Variants in ATL2 observed in about 807,000 individuals in gnomAD.
ATL2 encodes atlastin GTPase 2, also known as atlastin-2.
In ATL2, 31 loss-of-function variants were observed where a neutral mutation model predicts 73.9. That is an observed-to-expected ratio of 0.42 (90% CI 0.32 to 0.57). ATL2 has a LOEUF of 0.57. Ranked by LOEUF, ATL2 falls within the 20% of genes least tolerant of loss-of-function variation. ATL2 has a pLI of 0.14. For missense variants in ATL2, 738 were observed against 702.6 expected, an observed-to-expected ratio of 1.05 and a Z score of -0.57; for synonymous variants, 291 against 237.5, an observed-to-expected ratio of 1.23 and a Z score of -2.07.
At position 38,310,541 on chromosome 2, in the gene ATL2, CTT is replaced by C. The variant is rs1251466958; in HGVS notation, c.805-96_805-95del. 2.9e-5 allele frequency: 31 copies of C among 1,070,192 alleles called. No homozygotes were observed. In the African/African-American group the frequency reaches 4.5e-4, roughly 15 times the overall value. 66.3% of individuals were successfully genotyped at this position (1,070,192 alleles called of 1,614,324 possible). A position where few individuals can be genotyped will look rare whatever the true frequency, so the allele number is the denominator to read the frequency against. On this transcript the variant is annotated intron_variant, in intron 7 of 12. Coordinates refer to ENST00000378954, the MANE Select transcript of ATL2 (RefSeq NM_001135673.4). ...CAGACTCGCATGCACACTATGCACA[CTT>C]AACTCAGATGGTACTCCTAAGGAGT...
intron 9 of ATL2, chr2:38,300,558 T>C (rs762700701): frequency 2.7e-5 from 10 of 365,100 alleles, no homozygotes; most frequent in African/African-American, 1.0e-4. Context: ...ATAAAAGTTA[T>C]AACTCAAAGT....
chr2:38,338,698 G>C (rs1351413348), intron 2 of ATL2, among the ~76,000 whole-genome samples: 2 of 152,090 alleles, frequency 1.3e-5, no homozygotes, highest in East Asian at 1.9e-4. Context: ...AAAATATCAA[G>C]TCTGCAGTGG....
chr2:38,339,242 G>A (rs1158945033), intron 2 of ATL2, among the ~76,000 whole-genome samples: 1 of 151,934 alleles, frequency 6.6e-6, no homozygotes, highest in Non-Finnish European at 1.5e-5. Flanking sequence ...ATGAAAAAAG[G>A]GAAAGGCTGA....
At chr2:38,331,990 C>T (rs11904233) in intron 2 of ATL2, among the ~76,000 whole-genome samples, 62,536 of 151,870 alleles carry the variant, frequency 0.41, 15,118 homozygotes, top group African/African-American at 0.68. Flanking sequence ...TATTATTCAG[C>T]CATAAAAAGT....
intron 1 of ATL2, among the ~76,000 whole-genome samples, chr2:38,347,854 C>A (rs368590877): frequency 6.6e-6 from 1 of 150,934 alleles, no homozygotes; most frequent in African/African-American, 2.4e-5. Flanking sequence ...GCAACCTCTG[C>A]CTCCTGGGTT....
intron 1 of ATL2, among the ~76,000 whole-genome samples, chr2:38,363,009 T>A (rs1296671603): frequency 6.6e-6 from 1 of 152,232 alleles, no homozygotes; most frequent in African/African-American, 2.4e-5. Flanking sequence ...TTAGGTGTTG[T>A]AGCTTTTACT....
intron 2 of ATL2, among the ~76,000 whole-genome samples, chr2:38,323,731 C>CA (rs1173319989): frequency 6.6e-6 from 1 of 152,092 alleles, no homozygotes; most frequent in Middle Eastern, 3.2e-3. Flanking sequence ...CAGACAGACA[C>CA]AGACAGGGTC....
intron 1 of ATL2, among the ~76,000 whole-genome samples, chr2:38,355,759 G>A (rs1366359373): frequency 6.7e-6 from 1 of 150,000 alleles, no homozygotes; most frequent in African/African-American, 2.5e-5. Flanking sequence ...GAGTGCAGTG[G>A]TGCCATCTCG....
chr2:38,365,776 C>G (rs1671288247), intron 1 of ATL2, among the ~76,000 whole-genome samples: 1 of 151,536 alleles, frequency 6.6e-6, no homozygotes, highest in African/African-American at 2.4e-5. Context: ...CAGAATGAGA[C>G]TCCATCTCAA....
chr2:38,300,021 G>C (rs571381610), intron 10 of ATL2, among the ~76,000 whole-genome samples: 1 of 152,208 alleles, frequency 6.6e-6, no homozygotes, highest in East Asian at 1.9e-4. Context: ...CCTATACTTT[G>C]AGCATCTGAA....
chr2:38,359,982 T>C (rs896024165), intron 1 of ATL2, among the ~76,000 whole-genome samples: 1 of 151,682 alleles, frequency 6.6e-6, no homozygotes, highest in African/African-American at 2.4e-5. Flanking sequence ...ACCAAAAAAA[T>C]AGCTGGGCGT....
At position 38,307,191 on chromosome 2, in the gene ATL2, C is replaced by A. The variant is rs569709130; in HGVS notation, c.1071+2188G>T. On this transcript the variant is annotated intron_variant, in intron 9 of 12. Coordinates refer to ENST00000378954, the MANE Select transcript of ATL2 (RefSeq NM_001135673.4). ...TGGCCAACATGGTGAAACCCTGTCT[C>A]TACTAAAAATACAAAAATCAGCTAG... Among the ~76,000 whole-genome samples the A allele has an allele frequency of 3.9e-3, 595 of 152,174 alleles. 3 individuals carry two copies. Among genetic ancestry groups the A allele is most frequent in the Non-Finnish European group, 7.0e-3 (477 of 68,006 alleles).
At chr2:38,316,438 G>C (rs1418051024) in intron 4 of ATL2, among the ~76,000 whole-genome samples, 3 of 152,236 alleles carry the variant, frequency 2.0e-5, no homozygotes, top group East Asian at 3.9e-4. Context: ...TAGATCATTA[G>C]TACTTAGCAT....
At position 38,311,790 on chromosome 2, in the gene ATL2, C is replaced by A. The variant is rs79036061; in HGVS notation, c.805-1343G>T. 6.8e-3 allele frequency among the ~76,000 whole-genome samples: 1,041 copies of A among 152,282 alleles called. 12 individuals carry two copies. The highest frequency in any genetic ancestry group is 0.057 in the East Asian group (293 of 5,174). ...ACACACTTATGATTTGAGCAATTTT[C>A]TGAATATATGTATAACATTTCAATA... On this transcript the variant is annotated intron_variant, in intron 7 of 12. Coordinates refer to ENST00000378954, the MANE Select transcript of ATL2 (RefSeq NM_001135673.4).
At chr2:38,364,410 T>C (rs146517507) in intron 1 of ATL2, among the ~76,000 whole-genome samples, 1 of 152,040 alleles carries the variant, frequency 6.6e-6, no homozygotes, top group East Asian at 1.9e-4. Flanking sequence ...GAGTAAGAAG[T>C]GTAATGCGCA....
intron 1 of ATL2, among the ~76,000 whole-genome samples, chr2:38,370,240 G>A (rs1671599700): frequency 6.7e-6 from 1 of 149,044 alleles, no homozygotes; most frequent in South Asian, 2.1e-4. Context: ...GAGGTGGGTG[G>A]ATCACCTGAG....
chr2:38,311,610 C>T (rs1047722374), intron 7 of ATL2, among the ~76,000 whole-genome samples: 1 of 152,134 alleles, frequency 6.6e-6, no homozygotes, highest in Non-Finnish European at 1.5e-5. Flanking sequence ...CAAATACATT[C>T]TGTATGTGAT....
intron 10 of ATL2, 102 bp downstream of exon 10, chr2:38,300,170 A>C (rs1030938335): frequency 9.4e-7 from 1 of 1,060,232 alleles, no homozygotes; most frequent in African/African-American, 1.6e-5. Context: ...TTGCATGCAA[A>C]AAAGCACCCC....
At chr2:38,306,708 T>C (rs942185460) in intron 9 of ATL2, among the ~76,000 whole-genome samples, 1 of 152,204 alleles carries the variant, frequency 6.6e-6, no homozygotes, top group African/African-American at 2.4e-5. Context: ...CATCCCTTCA[T>C]GGTAAAAATC....
Sources: gnomAD v4.1 joint callset for allele counts (sites outside exome capture counted in the v4.1 genomes callset) on GRCh38, gnomAD v4.1.1 for gene constraint, MANE v1.5 for transcripts, NCBI Gene and HGNC (gene_info 2026-07-23, HGNC 2026-07-21) for gene names.